The following CNTN5 variants were observed in gnomAD, a reference collection of about 807,000 sequenced individuals.
The protein encoded by CNTN5 is contactin 5.
Under a neutral mutation model 129.1 loss-of-function variants are expected in CNTN5, and 77 were observed. That is an observed-to-expected ratio of 0.60 (90% CI 0.50 to 0.72). The LOEUF (loss-of-function observed/expected upper bound fraction) is 0.72. CNTN5 is among the 30% of genes least tolerant of loss of function. The probability of loss-of-function intolerance (pLI) is 0.00; values close to 1 mark genes in which losing one functional copy is unlikely to be tolerated. For synonymous variants in CNTN5, 509 were observed against 465.6 expected (o/e 1.09, Z -1.20); for missense variants, 1,478 against 1,328.8 (o/e 1.11, Z -1.75).
intron 1 of CNTN5, among the ~76,000 whole-genome samples, chr11:99,258,002 T>A (rs527607941): frequency 1.3e-5 from 2 of 152,028 alleles, no homozygotes; most frequent in Non-Finnish European, 2.9e-5. Context: ...GAGATGAAAT[T>A]CCTTGTTCTT....
rs541808135 is a variant in CNTN5, at chr11:99,370,729, T to C, written c.-71+45245T>C. 1.6e-3 allele frequency among the ~76,000 whole-genome samples: 238 copies of C among 152,344 alleles called. 2 individuals are homozygous for C. Among genetic ancestry groups the C allele is most frequent in the African/African-American group, 5.5e-3 (228 of 41,580 alleles). ...GGTGAAGGATATTGTTGCTACTCTC[T>C]GTCACAATTTACACATAATAATTGG... On this transcript the variant is annotated intron_variant, in intron 2 of 24. Coordinates refer to ENST00000524871, the MANE Select transcript of CNTN5 (RefSeq NM_014361.4).
intron 2 of CNTN5, among the ~76,000 whole-genome samples, chr11:99,554,709 G>T (rs1591271165): frequency 1.3e-5 from 2 of 152,112 alleles, no homozygotes; most frequent in Admixed American, 1.3e-4. Flanking sequence ...TTGAAACTTT[G>T]CTAACTCAAC....
intron 13 of CNTN5, among the ~76,000 whole-genome samples, chr11:100,122,022 C>T (rs1416454683): frequency 6.6e-6 from 1 of 151,708 alleles, no homozygotes; most frequent in Non-Finnish European, 1.5e-5. Flanking sequence ...TAATTTCTTC[C>T]AGATAGAGGA....
chr11:99,791,371 G>C (rs1235968428), intron 3 of CNTN5, among the ~76,000 whole-genome samples: 1 of 152,110 alleles, frequency 6.6e-6, no homozygotes, highest in Non-Finnish European at 1.5e-5. Flanking sequence ...TGGCTAGCAG[G>C]TTATTCCAAC....
intron 1 of CNTN5, among the ~76,000 whole-genome samples, chr11:99,206,306 G>A (rs879303693): frequency 7.9e-5 from 12 of 152,038 alleles, no homozygotes; most frequent in Non-Finnish European, 1.8e-4. Context: ...GTATAAGAAA[G>A]GACCCTAAGG....
At chr11:100,038,104 T>C (rs1565813364) in intron 9 of CNTN5, among the ~76,000 whole-genome samples, 1 of 152,190 alleles carries the variant, frequency 6.6e-6, no homozygotes, top group Non-Finnish European at 1.5e-5. Context: ...TGTGGGCATT[T>C]AGTGCTATAA....
At chr11:99,486,873 A>T (rs985157975) in intron 2 of CNTN5, among the ~76,000 whole-genome samples, 1 of 152,156 alleles carries the variant, frequency 6.6e-6, no homozygotes, top group African/African-American at 2.4e-5. Flanking sequence ...GATTAGAAAA[A>T]TTTTTTATTG....
chr11:99,289,387 T>C (rs1331556889), intron 1 of CNTN5, among the ~76,000 whole-genome samples: 1 of 151,858 alleles, frequency 6.6e-6, no homozygotes, highest in Non-Finnish European at 1.5e-5. Context: ...TCAGGTCATC[T>C]CAAATGGAAG....
intron 13 of CNTN5, among the ~76,000 whole-genome samples, chr11:100,075,354 C>A (rs959770982): frequency 2.0e-5 from 3 of 152,032 alleles, no homozygotes; most frequent in Non-Finnish European, 4.4e-5. Context: ...GATGGGTCGT[C>A]GTTGGCACTC....
At chr11:99,630,607 T>A (rs1951309829) in intron 3 of CNTN5, among the ~76,000 whole-genome samples, 1 of 151,856 alleles carries the variant, frequency 6.6e-6, no homozygotes, top group Non-Finnish European at 1.5e-5. Context: ...TCTTCCTATT[T>A]CTTAGTCACA....
chr11:100,131,276 G>A (rs891560579), intron 13 of CNTN5, among the ~76,000 whole-genome samples: 1 of 151,996 alleles, frequency 6.6e-6, no homozygotes, highest in African/African-American at 2.4e-5. Context: ...TAGTGATGAA[G>A]AGCAAAGGAA....
chr11:99,567,572 C>T (rs747391135), intron 3 of CNTN5, among the ~76,000 whole-genome samples: 12 of 151,970 alleles, frequency 7.9e-5, no homozygotes, highest in Middle Eastern at 6.8e-3. Flanking sequence ...GTTAGTGCTG[C>T]CTAAGAACTT....
Position 99,617,119 on chromosome 11 carries a change from C to T in CNTN5, c.55+60850C>T, listed in dbSNP as rs72997264. Among the ~76,000 whole-genome samples, 672 of 148,948 alleles carry T rather than the reference C, an allele frequency of 4.5e-3. 28 individuals are homozygous for T. In the East Asian group the frequency reaches 0.1, roughly 22 times the overall value. On this transcript the variant is annotated intron_variant, in intron 3 of 24. Coordinates refer to ENST00000524871, the MANE Select transcript of CNTN5 (RefSeq NM_014361.4). ...GAGTGAGACTCCATCTCAAACAAAA[C>T]GTAACAAAAACAAAAACAAAAACCT...
chr11:99,863,609 ATTG>A (rs1391255175), intron 6 of CNTN5, among the ~76,000 whole-genome samples: 1 of 152,162 alleles, frequency 6.6e-6, no homozygotes, highest in East Asian at 1.9e-4. Flanking sequence ...ATTGTAATTA[ATTG>A]TTGTACTCAT....
chr11:99,761,533 G>A (rs1315225183), intron 3 of CNTN5, among the ~76,000 whole-genome samples: 1 of 151,250 alleles, frequency 6.6e-6, no homozygotes, highest in Non-Finnish European at 1.5e-5. Flanking sequence ...TTTTGTTCTT[G>A]CGATAGTTTA....
At chr11:99,646,644 T>A (rs1252572429) in intron 3 of CNTN5, among the ~76,000 whole-genome samples, 1 of 152,134 alleles carries the variant, frequency 6.6e-6, no homozygotes, top group Non-Finnish European at 1.5e-5. Flanking sequence ...TTGAGAGCTC[T>A]TTAAGGAAAA....
intron 3 of CNTN5, among the ~76,000 whole-genome samples, chr11:99,811,742 T>G (rs1946434683): frequency 6.6e-6 from 1 of 151,970 alleles, no homozygotes; most frequent in Non-Finnish European, 1.5e-5. Context: ...CCAGCTGGAA[T>G]TTCATGGTGT....
In CNTN5 at chr11:99,804,020, T is replaced by G. The variant is rs75315384; in HGVS notation, c.56-15524T>G. ...TAAACTCTTAGTGGGGTCTTTAAAG[T>G]CTTTTTTGTTTGTTTGTTTTATAAA... On this transcript the variant is annotated intron_variant, in intron 3 of 24. Transcript: ENST00000524871. Among the ~76,000 whole-genome samples the G allele has an allele frequency of 7.5e-3, 1,135 of 152,292 alleles. 13 individuals are homozygous for G. Among genetic ancestry groups the G allele is most frequent in the African/African-American group, 0.026 (1,088 of 41,568 alleles).
intron 2 of CNTN5, among the ~76,000 whole-genome samples, chr11:99,468,184 C>G (rs1313248629): frequency 6.6e-6 from 1 of 152,184 alleles, no homozygotes; most frequent in Non-Finnish European, 1.5e-5. Flanking sequence ...CTCAGATATA[C>G]TGCTGACAAA....
Sources: gnomAD v4.1 joint callset for allele counts (sites outside exome capture counted in the v4.1 genomes callset) on GRCh38, gnomAD v4.1.1 for gene constraint, MANE v1.5 for transcripts, NCBI Gene and HGNC (gene_info 2026-07-23, HGNC 2026-07-21) for gene names.